The following SLC24A2 variants were observed in gnomAD, a reference collection of about 807,000 sequenced individuals.
SLC24A2 encodes sodium/potassium/calcium exchanger 2.
SLC24A2 carries 36 observed loss-of-function variants against 62.0 expected under a neutral mutation model. That is an observed-to-expected ratio of 0.58 (90% CI 0.44 to 0.77). The LOEUF (loss-of-function observed/expected upper bound fraction) is 0.77, where lower values mean the gene tolerates loss of function less well. SLC24A2 is among the 30% of genes least tolerant of loss of function. The pLI, the probability that SLC24A2 is intolerant of heterozygous loss-of-function variation, is 0.00. For missense variants in SLC24A2, 846 were observed against 817.9 expected (o/e 1.03, Z -0.42); for synonymous variants, 358 against 294.0 (o/e 1.22, Z -2.23).
At chr9:20,267,802 A>C in the SLC24A2 span, among the ~76,000 whole-genome samples, 1 of 152,214 alleles carries the variant, frequency 6.6e-6, no homozygotes, top group Non-Finnish European at 1.5e-5. Flanking sequence ...TCAAGTATCT[A>C]TAAAGGGCCT....
chr9:20,272,624 T>C, the SLC24A2 span, among the ~76,000 whole-genome samples: 1 of 152,210 alleles, frequency 6.6e-6, no homozygotes, highest in African/African-American at 2.4e-5. Flanking sequence ...AACTCTCATA[T>C]AAACATACAA....
At chr9:20,007,656 C>G in the SLC24A2 span, among the ~76,000 whole-genome samples, 1 of 152,020 alleles carries the variant, frequency 6.6e-6, no homozygotes, top group East Asian at 1.9e-4. Flanking sequence ...TCACTAATCA[C>G]TCTTCTCAAC....
chr9:20,174,658 C>T, the SLC24A2 span, among the ~76,000 whole-genome samples: 2 of 152,006 alleles, frequency 1.3e-5, no homozygotes, highest in Non-Finnish European at 2.9e-5. Context: ...GCAATACCGC[C>T]TTATTCCTGC....
the SLC24A2 span, among the ~76,000 whole-genome samples, chr9:19,956,487 C>T: frequency 7.9e-5 from 12 of 152,128 alleles, no homozygotes; most frequent in African/African-American, 2.4e-4. Flanking sequence ...CTGATAAAGA[C>T]ATATCCGAGA....
the SLC24A2 span, among the ~76,000 whole-genome samples, chr9:20,196,429 C>G: frequency 6.6e-6 from 1 of 152,120 alleles, no homozygotes; most frequent in Non-Finnish European, 1.5e-5. Context: ...ATTTTGCTGG[C>G]CCAACATATG....
chr9:20,110,760 T>G, the SLC24A2 span, among the ~76,000 whole-genome samples: 1 of 152,230 alleles, frequency 6.6e-6, no homozygotes, highest in African/African-American at 2.4e-5. Flanking sequence ...TTGCATCCAA[T>G]CATTTGAAAA....
chr9:19,937,812 G>C, the SLC24A2 span, among the ~76,000 whole-genome samples: 1 of 152,116 alleles, frequency 6.6e-6, no homozygotes, highest in Non-Finnish European at 1.5e-5. Flanking sequence ...CTGTCTTCAG[G>C]ATGTATATGG....
At chr9:20,103,812 G>C in the SLC24A2 span, among the ~76,000 whole-genome samples, 1 of 151,984 alleles carries the variant, frequency 6.6e-6, no homozygotes, top group South Asian at 2.1e-4. Flanking sequence ...CCAAAGGAAC[G>C]CAGTTCCTCA....
At chr9:20,178,035 G>C in the SLC24A2 span, among the ~76,000 whole-genome samples, 103 of 152,168 alleles carry the variant, frequency 6.8e-4, 1 homozygote, top group Non-Finnish European at 1.5e-4. Context: ...GTAAATGACT[G>C]TATCACTTAC....
chr9:20,043,427 T>C, the SLC24A2 span, among the ~76,000 whole-genome samples: 4 of 152,342 alleles, frequency 2.6e-5, no homozygotes, highest in Middle Eastern at 3.4e-3. Flanking sequence ...CTGCCATAGA[T>C]AGTGATTCTC....
At chr9:20,024,770 G>A in the SLC24A2 span, among the ~76,000 whole-genome samples, 3 of 152,106 alleles carry the variant, frequency 2.0e-5, no homozygotes, top group Non-Finnish European at 4.4e-5. Flanking sequence ...GGGGTGGGGA[G>A]AACCTTTCAA....
chr9:20,248,082 A>G, the SLC24A2 span, among the ~76,000 whole-genome samples: 100,992 of 152,162 alleles, frequency 0.66, 36,099 homozygotes, highest in East Asian at 0.95. Context: ...CAGTTCTCCT[A>G]CTAAATAACC....
the SLC24A2 span, among the ~76,000 whole-genome samples, chr9:19,869,648 G>A: frequency 2.0e-5 from 3 of 152,078 alleles, no homozygotes; most frequent in Non-Finnish European, 4.4e-5. Context: ...GAATGATACT[G>A]AGTCCTGATA....
chr9:19,945,692 G>A, the SLC24A2 span, among the ~76,000 whole-genome samples: 1 of 152,118 alleles, frequency 6.6e-6, no homozygotes, highest in Non-Finnish European at 1.5e-5. Flanking sequence ...TGAAGAATTG[G>A]AGACTCAAGG....
intron 5 of SLC24A2, among the ~76,000 whole-genome samples, chr9:19,594,569 A>C (rs898722947): frequency 6.6e-6 from 1 of 152,186 alleles, no homozygotes; most frequent in Non-Finnish European, 1.5e-5. Context: ...AATTCCCTGG[A>C]AACAGTTATA....
At chr9:20,266,263 C>T in the SLC24A2 span, among the ~76,000 whole-genome samples, 2 of 152,178 alleles carry the variant, frequency 1.3e-5, no homozygotes, top group Non-Finnish European at 2.9e-5. Flanking sequence ...ATCACGGAAC[C>T]TACTGACATG....
chr9:19,550,499 C>T (rs1834791635), intron 7 of SLC24A2, among the ~76,000 whole-genome samples: 1 of 152,182 alleles, frequency 6.6e-6, no homozygotes, highest in South Asian at 2.1e-4. Flanking sequence ...TCCTTGAATG[C>T]TCTTCAGTTT....
At chr9:20,100,703 A>G in the SLC24A2 span, among the ~76,000 whole-genome samples, 1 of 152,226 alleles carries the variant, frequency 6.6e-6, no homozygotes, top group Non-Finnish European at 1.5e-5. Flanking sequence ...AAAGTTAAAA[A>G]TATTTATTTT....
the SLC24A2 span, among the ~76,000 whole-genome samples, chr9:19,878,400 C>T: frequency 1.3e-5 from 2 of 152,138 alleles, no homozygotes; most frequent in Non-Finnish European, 2.9e-5. Context: ...CTGCTTATTA[C>T]TCCATAACAT....
Sources: gnomAD v4.1 joint callset for allele counts (sites outside exome capture counted in the v4.1 genomes callset) on GRCh38, gnomAD v4.1.1 for gene constraint, MANE v1.5 for transcripts, NCBI Gene and HGNC (gene_info 2026-07-23, HGNC 2026-07-21) for gene names.